NKAIN3: variants seen among roughly 807,000 people sequenced by gnomAD.
NKAIN3 encodes the protein sodium/potassium-transporting ATPase subunit beta-1-interacting protein 3.
Under a neutral mutation model 30.2 loss-of-function variants are expected in NKAIN3, and 25 were observed. The ratio of observed to expected loss-of-function variants is 0.83; its 90% CI spans 0.60 to 1.16. The LOEUF is 1.16. Among genes scored for constraint, NKAIN3 ranks in the 50% most tolerant of loss-of-function variants. NKAIN3 has a pLI of 0.00. For synonymous variants in NKAIN3, 91 were observed against 89.6 expected, an observed-to-expected ratio of 1.02 and a Z score of -0.09; for missense variants, 225 against 254.1, an observed-to-expected ratio of 0.89 and a Z score of 0.78.
At chr8:62,401,041 A>C (rs1294048963) in intron 1 of NKAIN3, among the ~76,000 whole-genome samples, 2 of 72,654 alleles carry the variant, frequency 2.8e-5, no homozygotes, top group Non-Finnish European at 4.2e-5. Context: ...CTCTCTCTAC[A>C]TCCTCTTTAA....
At chr8:62,666,552 A>G (rs1258122132) in intron 3 of NKAIN3, among the ~76,000 whole-genome samples, 1 of 152,128 alleles carries the variant, frequency 6.6e-6, no homozygotes, top group Non-Finnish European at 1.5e-5. Flanking sequence ...AGCTTTAAAT[A>G]TCTGTCATTT....
intron 5 of NKAIN3, among the ~76,000 whole-genome samples, chr8:62,931,861 T>C (rs565642091): frequency 6.6e-5 from 10 of 152,228 alleles, no homozygotes; most frequent in Non-Finnish European, 1.2e-4. Context: ...AGACACTTTG[T>C]TGATATTCCA....
At chr8:62,956,746 G>A (rs570336106) in intron 6 of NKAIN3, among the ~76,000 whole-genome samples, 1 of 152,264 alleles carries the variant, frequency 6.6e-6, no homozygotes, top group South Asian at 2.1e-4. Context: ...GTGCACAACA[G>A]GCACAGCCTA....
At chr8:62,750,082 G>A (rs531032022) in intron 4 of NKAIN3, among the ~76,000 whole-genome samples, 4 of 152,038 alleles carry the variant, frequency 2.6e-5, no homozygotes, top group East Asian at 3.9e-4. Flanking sequence ...GGTGATGGTC[G>A]CAATATTTAA....
intron 3 of NKAIN3, among the ~76,000 whole-genome samples, chr8:62,644,320 C>T (rs1199938001): frequency 6.6e-6 from 1 of 152,062 alleles, no homozygotes; most frequent in Non-Finnish European, 1.5e-5. Flanking sequence ...TCAAAATATC[C>T]TGACTTCAGT....
intron 1 of NKAIN3, among the ~76,000 whole-genome samples, chr8:62,541,417 C>T (rs146965607): frequency 0.017 from 2,640 of 152,228 alleles, 76 homozygotes; most frequent in African/African-American, 0.06. Context: ...TCCTTCCTGG[C>T]CCAAGTTAAT....
intron 3 of NKAIN3, among the ~76,000 whole-genome samples, chr8:62,658,279 T>C (rs1257069480): frequency 6.6e-6 from 1 of 152,190 alleles, no homozygotes; most frequent in Admixed American, 6.5e-5. Context: ...CAGCCCTCTG[T>C]CAGTTAAGAG....
At chr8:62,322,051 G>A (rs754597291) in intron 1 of NKAIN3, among the ~76,000 whole-genome samples, 4 of 152,124 alleles carry the variant, frequency 2.6e-5, no homozygotes, top group Non-Finnish European at 5.9e-5. Flanking sequence ...CCCCAGCCTC[G>A]CTGCCGCCTT....
At chr8:62,275,753 A>G (rs1457126259) in intron 1 of NKAIN3, among the ~76,000 whole-genome samples, 3 of 152,222 alleles carry the variant, frequency 2.0e-5, no homozygotes, top group Non-Finnish European at 4.4e-5. Flanking sequence ...TTTATCAGCA[A>G]ATTATTTGCA....
At chr8:62,798,046 C>G (rs770338591) in intron 4 of NKAIN3, among the ~76,000 whole-genome samples, 2 of 152,104 alleles carry the variant, frequency 1.3e-5, no homozygotes, top group Non-Finnish European at 2.9e-5. Context: ...AGTCATTTTA[C>G]AAGTGTGAAA....
chr8:62,379,016 C>A (rs1563371976), intron 1 of NKAIN3, among the ~76,000 whole-genome samples: 1 of 152,206 alleles, frequency 6.6e-6, no homozygotes, highest in Non-Finnish European at 1.5e-5. Context: ...CCACACAAAG[C>A]CACAGGGATG....
chr8:62,986,653 A>G (rs1226441936), downstream of NKAIN3, among the ~76,000 whole-genome samples: 3 of 152,128 alleles, frequency 2.0e-5, no homozygotes, highest in Non-Finnish European at 2.9e-5. Flanking sequence ...TAACTTAATC[A>G]TGTCTTTGCT....
chr8:62,671,787 G>A (rs1275351093), intron 3 of NKAIN3, among the ~76,000 whole-genome samples: 1 of 151,790 alleles, frequency 6.6e-6, no homozygotes, highest in African/African-American at 2.4e-5. Context: ...TCCTTCTATG[G>A]TATGTTCTTT....
chr8:62,705,862 T>A (rs1421551069), intron 3 of NKAIN3, among the ~76,000 whole-genome samples: 2 of 152,176 alleles, frequency 1.3e-5, no homozygotes, highest in Non-Finnish European at 2.9e-5. Flanking sequence ...TTCCTCCAAG[T>A]TGCTTTAGAT....
chr8:62,583,078 T>A (rs1810356456), intron 2 of NKAIN3, among the ~76,000 whole-genome samples: 1 of 152,214 alleles, frequency 6.6e-6, no homozygotes, highest in East Asian at 1.9e-4. Flanking sequence ...CTAGAGTGTC[T>A]TGAGTATGTT....
chr8:62,379,363 CT>C (rs1217145150), intron 1 of NKAIN3, among the ~76,000 whole-genome samples: 1 of 152,148 alleles, frequency 6.6e-6, no homozygotes, highest in East Asian at 1.9e-4. Context: ...CTTTTGGGGA[CT>C]GTTGAAAGGA....
chr8:62,503,257 AC>A (rs1156989083), intron 1 of NKAIN3, among the ~76,000 whole-genome samples: 1 of 152,184 alleles, frequency 6.6e-6, no homozygotes, highest in African/African-American at 2.4e-5. Context: ...CGTGATGCCC[AC>A]CTGAGCCGCA....
rs1823845561 is a variant in NKAIN3 at position 62,971,957 on chromosome 8, G to A, written c.*6550G>A. On this transcript the variant is annotated 3_prime_UTR_variant, in exon 7 of 7. Coordinates refer to ENST00000623646, the MANE Select transcript of NKAIN3 (RefSeq NM_001304533.3). ...TCCCATAATTTTGCAGACAGGTTTA[G>A]CTTTTCTTCTCTAGAATTGAGTTTA... is the stretch of plus-strand genomic sequence containing the variant. Among the ~76,000 whole-genome samples, 1 of 152,124 alleles carries A rather than the reference G, an allele frequency of 6.6e-6. No individual in the cohort carries two copies. The highest frequency in any genetic ancestry group is 1.5e-5 in the Non-Finnish European group (1 of 68,008).
At chr8:62,908,115 C>T (rs13272238) in intron 4 of NKAIN3, among the ~76,000 whole-genome samples, 117,228 of 152,152 alleles carry the variant, frequency 0.77, 45,977 homozygotes, top group East Asian at 0.97. Context: ...CAGTGTGACC[C>T]GGATGTGAGA....
Sources: allele counts gnomAD v4.1 joint callset (sites outside exome capture counted in the v4.1 genomes callset), GRCh38; gene constraint gnomAD v4.1.1; transcripts MANE v1.5; gene names NCBI Gene and HGNC (gene_info 2026-07-23, HGNC 2026-07-21).